Variants in LMBRD1 observed in about 807,000 individuals in gnomAD.
The protein encoded by LMBRD1 is lysosomal cobalamin transport escort protein LMBD1.
In LMBRD1, 64 loss-of-function variants were observed where a neutral mutation model predicts 74.8. The observed-to-expected ratio is 0.86, with a 90% confidence interval of 0.70 to 1.05. The LOEUF is 1.05. LMBRD1 is among the 50% of genes least tolerant of loss of function. The probability of loss-of-function intolerance (pLI) is 0.00; values close to 1 mark genes in which losing one functional copy is unlikely to be tolerated. For missense variants in LMBRD1, 652 were observed against 645.9 expected (o/e 1.01, Z -0.10); for synonymous variants, 204 against 216.3 (o/e 0.94, Z 0.50).
At chr6:69,722,055 A>G (rs774765755) in intron 7 of LMBRD1, among the ~76,000 whole-genome samples, 1 of 152,158 alleles carries the variant, frequency 6.6e-6, no homozygotes, top group African/African-American at 2.4e-5. Flanking sequence ...TCATCAGGTA[A>G]ACTGCTAAGG....
At chr6:69,742,955 C>T (rs1451668785) in intron 5 of LMBRD1, among the ~76,000 whole-genome samples, 1 of 151,738 alleles carries the variant, frequency 6.6e-6, no homozygotes, top group African/African-American at 2.4e-5. Context: ...ACTTATTTCT[C>T]ACCACTTTTA....
chr6:69,699,257 C>A (rs1766075807), intron 12 of LMBRD1, 65 bp from the exon 13 acceptor site: 2 of 1,398,438 alleles, frequency 1.4e-6, no homozygotes, highest in Non-Finnish European at 2.0e-6. Context: ...AAATCCTTTT[C>A]TTGTGTTATG....
At chr6:69,791,931 T>C (rs937117660) in intron 1 of LMBRD1, among the ~76,000 whole-genome samples, 1 of 152,238 alleles carries the variant, frequency 6.6e-6, no homozygotes, top group East Asian at 1.9e-4. Context: ...GGACCCAACA[T>C]GGCAATGGAT....
intron 6 of LMBRD1, among the ~76,000 whole-genome samples, chr6:69,739,824 T>A (rs555589846): frequency 6.6e-6 from 1 of 152,200 alleles, no homozygotes; most frequent in South Asian, 2.1e-4. Context: ...AAAGGTTATA[T>A]AGGCCGGGTG....
chr6:69,704,009 T>G (rs1766193217), intron 9 of LMBRD1, among the ~76,000 whole-genome samples: 1 of 152,050 alleles, frequency 6.6e-6, no homozygotes, highest in African/African-American at 2.4e-5. Context: ...AGATTATGCT[T>G]TTTTCCAGAA....
At chr6:69,780,439 G>T in intron 3 of LMBRD1, 55 bp downstream of exon 3, 1 of 1,262,432 alleles carries the variant, frequency 7.9e-7, no homozygotes, top group Non-Finnish European at 1.2e-6. Flanking sequence ...CATCGGAGTC[G>T]TATCAGTATT....
At chr6:69,778,533 T>C (rs185988418) in intron 3 of LMBRD1, among the ~76,000 whole-genome samples, 1 of 152,350 alleles carries the variant, frequency 6.6e-6, no homozygotes, top group East Asian at 1.9e-4. Flanking sequence ...GGTTCAACGA[T>C]AAGATACAGT....
At chr6:69,727,915 GAAT>G (rs1398987119) in intron 7 of LMBRD1, among the ~76,000 whole-genome samples, 1 of 152,012 alleles carries the variant, frequency 6.6e-6, no homozygotes, top group Non-Finnish European at 1.5e-5. Flanking sequence ...AAAAGTAACA[GAAT>G]AATTTAAGAC....
intron 9 of LMBRD1, among the ~76,000 whole-genome samples, chr6:69,708,644 C>T (rs992137834): frequency 3.5e-4 from 42 of 119,258 alleles, no homozygotes; most frequent in Admixed American, 5.7e-4. Context: ...CAGGCATCTT[C>T]ATGGGAACAA....
chr6:69,782,448 A>G (rs1370340174), intron 2 of LMBRD1, among the ~76,000 whole-genome samples: 1 of 152,182 alleles, frequency 6.6e-6, no homozygotes, highest in Non-Finnish European at 1.5e-5. Context: ...GACCATTCTT[A>G]AGAGGCCAGG....
At chr6:69,788,939 G>T (rs1232365562) in intron 2 of LMBRD1, among the ~76,000 whole-genome samples, 2 of 152,124 alleles carry the variant, frequency 1.3e-5, no homozygotes, top group Non-Finnish European at 2.9e-5. Flanking sequence ...TGATTTTTCA[G>T]CCACAAAAAC....
chr6:69,725,985 T>C (rs1766726106), intron 7 of LMBRD1, among the ~76,000 whole-genome samples: 1 of 152,054 alleles, frequency 6.6e-6, no homozygotes, highest in Non-Finnish European at 1.5e-5. Flanking sequence ...CAAACTACCA[T>C]ATGACAAGTG....
Position 69,694,930 on chromosome 6 carries a change from C to T in LMBRD1, c.1417+2633G>A, listed in dbSNP as rs1283893339. On this transcript the variant is annotated intron_variant, in intron 14 of 15. Transcript: ENST00000649934. ...TTGCTACTTTCATCAACTGTCTACC[C>T]CACAGCCCGCTTAATTCTCAGTATA... Among the ~76,000 whole-genome samples, 3 of 152,146 alleles carry T rather than the reference C, an allele frequency of 2.0e-5. No individual in the cohort carries two copies. In the East Asian group the frequency reaches 5.8e-4, roughly 29 times the overall value.
intron 9 of LMBRD1, among the ~76,000 whole-genome samples, chr6:69,710,632 A>G (rs1420714721): frequency 6.6e-6 from 1 of 152,126 alleles, no homozygotes; most frequent in Non-Finnish European, 1.5e-5. Context: ...CTTGTATCTC[A>G]CTCATAATAG....
At chr6:69,773,515 T>C (rs1765617907) in intron 3 of LMBRD1, among the ~76,000 whole-genome samples, 3 of 152,304 alleles carry the variant, frequency 2.0e-5, no homozygotes. Flanking sequence ...AAAACTCTCT[T>C]AGGTGCTCTA....
intron 9 of LMBRD1, among the ~76,000 whole-genome samples, chr6:69,702,819 T>C (rs763077021): frequency 1.3e-5 from 2 of 152,074 alleles, no homozygotes; most frequent in Admixed American, 6.6e-5. Flanking sequence ...TTGATATAAA[T>C]AGATCAATGA....
intron 9 of LMBRD1, among the ~76,000 whole-genome samples, chr6:69,703,698 A>G (rs1262341040): frequency 6.6e-6 from 1 of 152,116 alleles, no homozygotes; most frequent in Non-Finnish European, 1.5e-5. Flanking sequence ...TAAAAGCTAC[A>G]TATTATACTC....
intron 3 of LMBRD1, among the ~76,000 whole-genome samples, chr6:69,767,619 T>C (rs1192407154): frequency 6.6e-6 from 1 of 151,942 alleles, no homozygotes; most frequent in Admixed American, 6.6e-5. Context: ...ACCTATCATA[T>C]AGTCTATACT....
intron 3 of LMBRD1, among the ~76,000 whole-genome samples, chr6:69,775,026 G>T (rs111257726): frequency 1.1e-5 from 1 of 90,572 alleles, no homozygotes; most frequent in African/African-American, 5.5e-5. Context: ...AGGGAGGGAG[G>T]GAGGGAGGGA....
Sources: allele counts gnomAD v4.1 joint callset (sites outside exome capture counted in the v4.1 genomes callset), GRCh38; gene constraint gnomAD v4.1.1; transcripts MANE v1.5; gene names NCBI Gene and HGNC (gene_info 2026-07-23, HGNC 2026-07-21).